The following KCNJ3 variants were observed in gnomAD, a reference collection of about 807,000 sequenced individuals.
KCNJ3 encodes the protein potassium inwardly rectifying channel subfamily J member 3.
Under a neutral mutation model 39.2 loss-of-function variants are expected in KCNJ3, and 4 were observed. The observed-to-expected ratio is 0.10, with a 90% confidence interval of 0.05 to 0.23. The LOEUF (loss-of-function observed/expected upper bound fraction) is 0.23, where lower values mean the gene tolerates loss of function less well. Among genes scored for constraint, KCNJ3 ranks in the 10% least tolerant of loss-of-function variants. KCNJ3 has a pLI of 1.00. For missense variants in KCNJ3, 276 were observed against 634.9 expected (o/e 0.43, Z 6.08); for synonymous variants, 230 against 237.4 (o/e 0.97, Z 0.29).
chr2:154,813,207 CT>C (rs1418761898), intron 2 of KCNJ3, among the ~76,000 whole-genome samples: 1 of 152,142 alleles, frequency 6.6e-6, no homozygotes, highest in Non-Finnish European at 1.5e-5. Flanking sequence ...TCTTTAGTAA[CT>C]AGCTTGCAGT....
At position 154,731,024 on chromosome 2, in the gene KCNJ3, G is replaced by A. The variant is rs148694778; in HGVS notation, c.919+21205G>A. Among the ~76,000 whole-genome samples the A allele has an allele frequency of 2.0e-4, 31 of 152,170 alleles. No individual in the cohort carries two copies. In the East Asian group the frequency reaches 5.4e-3, roughly 27 times the overall value. On this transcript the variant is annotated intron_variant, in intron 2 of 2. Coordinates refer to ENST00000295101, the MANE Select transcript of KCNJ3 (RefSeq NM_002239.4). ...ATTCTTATAATACTAGAAGAATGCC[G>A]AGTACAGAAGGATCATTTAGAGAAG... is the stretch of plus-strand genomic sequence containing the variant.
chr2:154,840,928 T>G (rs1456685385), intron 2 of KCNJ3, among the ~76,000 whole-genome samples: 1 of 152,116 alleles, frequency 6.6e-6, no homozygotes, highest in Non-Finnish European at 1.5e-5. Flanking sequence ...CCTTTATTTC[T>G]TTGTCTTTCC....
At chr2:154,824,222 C>T (rs1010625011) in intron 2 of KCNJ3, among the ~76,000 whole-genome samples, 5 of 152,064 alleles carry the variant, frequency 3.3e-5, no homozygotes, top group Non-Finnish European at 7.4e-5. Context: ...GTAGTCCCAG[C>T]TACTTGGTGG....
At chr2:154,841,832 C>CTTTA (rs1249852057) in intron 2 of KCNJ3, among the ~76,000 whole-genome samples, 1 of 151,810 alleles carries the variant, frequency 6.6e-6, no homozygotes, top group Non-Finnish European at 1.5e-5. Context: ...CTCTTTTCTT[C>CTTTA]TTTATTAGTT....
intron 2 of KCNJ3, among the ~76,000 whole-genome samples, chr2:154,747,453 A>T (rs535969051): frequency 6.6e-6 from 1 of 152,144 alleles, no homozygotes; most frequent in East Asian, 1.9e-4. Context: ...TTAAGAAAAA[A>T]ACTAGTGCCC....
At chr2:154,714,576 C>A (rs973608019) in intron 2 of KCNJ3, among the ~76,000 whole-genome samples, 1 of 152,064 alleles carries the variant, frequency 6.6e-6, no homozygotes, top group African/African-American at 2.4e-5. Flanking sequence ...AATTTCTAGG[C>A]CAATTTTTTC....
intron 2 of KCNJ3, among the ~76,000 whole-genome samples, chr2:154,830,015 C>T (rs1351856133): frequency 6.6e-6 from 1 of 152,032 alleles, no homozygotes; most frequent in Non-Finnish European, 1.5e-5. Flanking sequence ...CTAGTAGCAA[C>T]CTCTAATTAA....
At chr2:154,719,771 G>T (rs936762748) in intron 2 of KCNJ3, among the ~76,000 whole-genome samples, 10 of 152,038 alleles carry the variant, frequency 6.6e-5, no homozygotes, top group Non-Finnish European at 1.0e-4. Flanking sequence ...CCTTTTCTGG[G>T]GAAAATTTTC....
intron 2 of KCNJ3, among the ~76,000 whole-genome samples, chr2:154,756,739 A>G (rs1317987058): frequency 6.6e-6 from 1 of 152,054 alleles, no homozygotes; most frequent in African/African-American, 2.4e-5. Flanking sequence ...CTGCACATGT[A>G]CCCCGGAACT....
chr2:154,799,257 C>A (rs552117928), intron 2 of KCNJ3, among the ~76,000 whole-genome samples: 1 of 152,028 alleles, frequency 6.6e-6, no homozygotes, highest in Non-Finnish European at 1.5e-5. Context: ...TCAGCCTCCC[C>A]GTAGCTGGGA....
chr2:154,816,737 A>T (rs1687088634), intron 2 of KCNJ3, among the ~76,000 whole-genome samples: 2 of 152,190 alleles, frequency 1.3e-5, no homozygotes, highest in South Asian at 4.1e-4. Context: ...CTTTCAGTTT[A>T]TGTAAGCCTT....
At chr2:154,774,841 A>C (rs1686304581) in intron 2 of KCNJ3, among the ~76,000 whole-genome samples, 1 of 152,168 alleles carries the variant, frequency 6.6e-6, no homozygotes, top group Admixed American at 6.5e-5. Context: ...CAAATGTTGA[A>C]GTTATCCTTC....
chr2:154,716,224 C>G (rs1685176781), intron 2 of KCNJ3, among the ~76,000 whole-genome samples: 1 of 151,536 alleles, frequency 6.6e-6, no homozygotes, highest in South Asian at 2.1e-4. Context: ...GTTCTCCTGC[C>G]TCAGCCTGCC....
intron 2 of KCNJ3, among the ~76,000 whole-genome samples, chr2:154,735,068 C>CGTGTGTGTGTGTGT (rs1171630763): frequency 9.6e-6 from 1 of 103,722 alleles, no homozygotes; most frequent in Non-Finnish European, 1.9e-5. Flanking sequence ...CCCTTGTAGG[C>CGTGTGTGTGTGTGT]CTGTGTGTGT....
chr2:154,767,770 C>T (rs1174403305), intron 2 of KCNJ3, among the ~76,000 whole-genome samples: 2 of 152,190 alleles, frequency 1.3e-5, no homozygotes, highest in African/African-American at 2.4e-5. Context: ...ACACTGTCTT[C>T]CACAATGGTT....
At chr2:154,756,177 C>T (rs923995726) in intron 2 of KCNJ3, among the ~76,000 whole-genome samples, 2 of 152,128 alleles carry the variant, frequency 1.3e-5, no homozygotes, top group Non-Finnish European at 2.9e-5. Context: ...GAATAAACTA[C>T]AGAACTTGAT....
intron 2 of KCNJ3, among the ~76,000 whole-genome samples, chr2:154,743,822 G>GTT (rs1685693098): frequency 6.6e-6 from 1 of 150,958 alleles, no homozygotes; most frequent in Admixed American, 6.6e-5. Flanking sequence ...TTCTGTTTTT[G>GTT]TTTTTGTTTT....
At chr2:154,813,283 A>C (rs1307698294) in intron 2 of KCNJ3, among the ~76,000 whole-genome samples, 3 of 152,108 alleles carry the variant, frequency 2.0e-5, no homozygotes, top group African/African-American at 7.2e-5. Context: ...AGCTCTGCGA[A>C]GCTTCTGTTT....
In KCNJ3 at chr2:154,823,678, C is replaced by T. The variant is rs138610604; in HGVS notation, c.920-31049C>T. On this transcript the variant is annotated intron_variant, in intron 2 of 2. Transcript: ENST00000295101. ...TACAAACTCACTTCATATATTGCCT[C>T]CTCTTAAGTGGTGTCCCCAATCTTA... Among the ~76,000 whole-genome samples, 448 of 152,228 alleles carry T rather than the reference C, an allele frequency of 2.9e-3. 4 individuals are homozygous for T. Among genetic ancestry groups the T allele is most frequent in the African/African-American group, 0.01 (434 of 41,548 alleles).
Sources: gnomAD v4.1 joint callset for allele counts (sites outside exome capture counted in the v4.1 genomes callset) on GRCh38, gnomAD v4.1.1 for gene constraint, MANE v1.5 for transcripts, NCBI Gene and HGNC (gene_info 2026-07-23, HGNC 2026-07-21) for gene names.